KHDRBS1: variants seen among roughly 807,000 people sequenced by gnomAD.
The protein encoded by KHDRBS1 is KH domain-containing, RNA-binding, signal transduction-associated protein 1.
KHDRBS1 carries 7 observed loss-of-function variants against 48.4 expected under a neutral mutation model. The ratio of observed to expected loss-of-function variants is 0.14; its 90% CI spans 0.08 to 0.27. The LOEUF (loss-of-function observed/expected upper bound fraction) is 0.27, where lower values mean the gene tolerates loss of function less well. Among genes scored for constraint, KHDRBS1 ranks in the 10% least tolerant of loss-of-function variants. The pLI, the probability that KHDRBS1 is intolerant of heterozygous loss-of-function variation, is 1.00. For synonymous variants in KHDRBS1, 241 were observed against 235.8 expected (o/e 1.02, Z -0.20); for missense variants, 458 against 601.2 (o/e 0.76, Z 2.49).
intron 1 of KHDRBS1, among the ~76,000 whole-genome samples, chr1:32,014,946 G>A (rs1404850627): frequency 6.6e-6 from 1 of 152,184 alleles, no homozygotes; most frequent in East Asian, 1.9e-4. Context: ...AGCGATTTAT[G>A]TGGATCGGAG....
chr1:32,044,433 T>C (rs1287498286), downstream of KHDRBS1, among the ~76,000 whole-genome samples: 1 of 152,168 alleles, frequency 6.6e-6, no homozygotes, highest in African/African-American at 2.4e-5. Context: ...CTGAACCCCC[T>C]CCTAAGAGAC....
intron 1 of KHDRBS1, among the ~76,000 whole-genome samples, chr1:32,025,593 G>A (rs1194012306): frequency 2.7e-5 from 4 of 150,130 alleles, no homozygotes; most frequent in South Asian, 4.2e-4. Flanking sequence ...GAGCCACAGC[G>A]CCTGGCCCCC....
chr1:32,019,795 T>C (rs1013716246), intron 1 of KHDRBS1, among the ~76,000 whole-genome samples: 1 of 152,160 alleles, frequency 6.6e-6, no homozygotes, highest in African/African-American at 2.4e-5. Flanking sequence ...GTTTTGAGAT[T>C]GAGTCTCGCT....
chr1:32,019,238 A>G (rs1168876060), intron 1 of KHDRBS1, among the ~76,000 whole-genome samples: 2 of 152,180 alleles, frequency 1.3e-5, no homozygotes, highest in East Asian at 3.9e-4. Context: ...TTCATTGGAT[A>G]ATGTGATAGA....
chr1:32,035,418 G>A (rs182617820), intron 4 of KHDRBS1, among the ~76,000 whole-genome samples: 1 of 152,286 alleles, frequency 6.6e-6, no homozygotes, highest in African/African-American at 2.4e-5. Context: ...TATTGAAGCT[G>A]TATACGCCTG....
At chr1:32,020,638 C>G (rs1197243297) in intron 1 of KHDRBS1, among the ~76,000 whole-genome samples, 1 of 147,046 alleles carries the variant, frequency 6.8e-6, no homozygotes, top group South Asian at 2.1e-4. Context: ...AAAAAAGGAA[C>G]TGTTAATAAA....
chr1:32,021,413 A>G (rs1177205516), intron 1 of KHDRBS1, among the ~76,000 whole-genome samples: 2 of 152,168 alleles, frequency 1.3e-5, no homozygotes, highest in East Asian at 1.9e-4. Context: ...CAAAAAAAAT[A>G]AAGAACCTAT....
At chr1:32,036,864 G>A (rs972686070) in intron 4 of KHDRBS1, 46 bp from the exon 5 acceptor site, 1 of 1,557,940 alleles carries the variant, frequency 6.4e-7, no homozygotes, top group Non-Finnish European at 8.7e-7. Context: ...TTTCTCAGTA[G>A]AAAGTGTAGA....
intron 10 of KHDRBS1, among the ~76,000 whole-genome samples, chr1:32,053,252 G>A (rs566088332): frequency 1.3e-5 from 2 of 152,212 alleles, no homozygotes; most frequent in African/African-American, 2.4e-5. Context: ...TGGAGGAGCT[G>A]CCTGAGAAAG....
chr1:32,028,562 G>A (rs1462577851), intron 1 of KHDRBS1, among the ~76,000 whole-genome samples: 1 of 146,292 alleles, frequency 6.8e-6, no homozygotes, highest in African/African-American at 2.5e-5. Context: ...GAGTGCAGTG[G>A]CGCGATCTCG....
chr1:32,018,372 G>T (rs57325965), intron 1 of KHDRBS1, among the ~76,000 whole-genome samples: 12 of 152,148 alleles, frequency 7.9e-5, no homozygotes, highest in Admixed American at 2.6e-4. Flanking sequence ...AAGGCAGGAA[G>T]ATCATTTGAA....
intron 7 of KHDRBS1, 151 bp from the exon 8 acceptor site, chr1:32,039,364 T>G: frequency 1.6e-6 from 1 of 617,030 alleles, no homozygotes; most frequent in Non-Finnish European, 2.9e-6. Flanking sequence ...TATACATATT[T>G]TGGAAATACT....
At chr1:32,026,244 C>G (rs530078779) in intron 1 of KHDRBS1, among the ~76,000 whole-genome samples, 1 of 152,250 alleles carries the variant, frequency 6.6e-6, no homozygotes, top group African/African-American at 2.4e-5. Flanking sequence ...TCTTGGCTCA[C>G]TACAGCCTCC....
chr1:32,028,556 G>GC (rs1290719726), intron 1 of KHDRBS1, among the ~76,000 whole-genome samples: 6 of 140,236 alleles, frequency 4.3e-5, no homozygotes, highest in Non-Finnish European at 6.0e-5. Context: ...AGGCTGGAGT[G>GC]CAGTGGCGCG....
chr1:32,038,462 A>C lies in KHDRBS1; in HGVS notation c.1108-90A>C, dbSNP rs937119110. 1.8e-5 allele frequency: 22 copies of C among 1,246,744 alleles called. No homozygotes were observed. In the African/African-American group the frequency reaches 2.5e-4, roughly 14 times the overall value. The allele number at this position is 1,246,744 out of a possible 1,614,324, so 77.2% of individuals were successfully genotyped here. On this transcript the variant is annotated intron_variant, in intron 6 of 8. Coordinates refer to ENST00000327300, the MANE Select transcript of KHDRBS1 (RefSeq NM_006559.3). ...GAAATGTCATGTCCTTTTAATTCAG[A>C]AGCCTACTTACTCCCATGGGATGTA... is the stretch of plus-strand genomic sequence containing the variant.
chr1:32,024,193 C>G (rs949901888), intron 1 of KHDRBS1, among the ~76,000 whole-genome samples: 1 of 151,850 alleles, frequency 6.6e-6, no homozygotes, highest in African/African-American at 2.4e-5. Context: ...GCAGAGGTTG[C>G]AGTGAGCTGA....
At chr1:32,032,664 C>A (rs1228438882) in intron 3 of KHDRBS1, among the ~76,000 whole-genome samples, 1 of 152,022 alleles carries the variant, frequency 6.6e-6, no homozygotes, top group African/African-American at 2.4e-5. Flanking sequence ...GCAAGTTTAG[C>A]AGGCTGTGCA....
In KHDRBS1 at chr1:32,038,471, T is replaced by TA. The variant is rs1639225215; in HGVS notation, c.1108-80dup. On this transcript the variant is annotated intron_variant, in intron 6 of 8. Coordinates refer to ENST00000327300, the MANE Select transcript of KHDRBS1 (RefSeq NM_006559.3). ...TGTCCTTTTAATTCAGAAGCCTACT[T>TA]ACTCCCATGGGATGTAATTACCTTT... The TA allele has an allele frequency of 4.5e-6, 6 of 1,345,784 alleles. 1 individual carries two copies. In the South Asian group the frequency reaches 4.9e-5, roughly 11 times the overall value. The allele number at this position is 1,345,784 out of a possible 1,614,324, so 83.4% of individuals were successfully genotyped here.
chr1:32,036,233 G>A (rs943805473), intron 4 of KHDRBS1, among the ~76,000 whole-genome samples: 2 of 137,472 alleles, frequency 1.5e-5, no homozygotes, highest in African/African-American at 2.7e-5. Flanking sequence ...CTGCAGTGGC[G>A]CTATCTTGGC....
Sources: gnomAD v4.1 joint callset for allele counts (sites outside exome capture counted in the v4.1 genomes callset) on GRCh38, gnomAD v4.1.1 for gene constraint, MANE v1.5 for transcripts, NCBI Gene and HGNC (gene_info 2026-07-23, HGNC 2026-07-21) for gene names.